TPGS2: variants seen among roughly 807,000 people sequenced by gnomAD.
TPGS2 encodes the protein polyglutamylase subunit 2.
In TPGS2, 26 loss-of-function variants were observed where a neutral mutation model predicts 31.1. That is an observed-to-expected ratio of 0.84 (90% CI 0.61 to 1.16). The LOEUF (loss-of-function observed/expected upper bound fraction) is 1.16, where lower values mean the gene tolerates loss of function less well. TPGS2 is among the 50% of genes most tolerant of loss of function. TPGS2 has a pLI of 0.00. For synonymous variants in TPGS2, 130 were observed against 136.6 expected, an observed-to-expected ratio of 0.95 and a Z score of 0.34; for missense variants, 351 against 363.8, an observed-to-expected ratio of 0.96 and a Z score of 0.29.
At chr18:36,815,604 C>A (rs910858415) in intron 2 of TPGS2, among the ~76,000 whole-genome samples, 10 of 150,084 alleles carry the variant, frequency 6.7e-5, no homozygotes, top group African/African-American at 2.4e-4. Flanking sequence ...GTAGGAAAAT[C>A]CTAGGAGACT....
chr18:36,828,481 C>G (rs547709179), intron 1 of TPGS2, among the ~76,000 whole-genome samples: 1 of 152,132 alleles, frequency 6.6e-6, no homozygotes, highest in African/African-American at 2.4e-5. Context: ...CCCAGCTCTG[C>G]CTCCGAACAC....
chr18:36,799,569 C>T (rs2044702993), intron 5 of TPGS2, among the ~76,000 whole-genome samples: 1 of 152,206 alleles, frequency 6.6e-6, no homozygotes, highest in African/African-American at 2.4e-5. Context: ...GTTCAAGATG[C>T]AGCTCCATGA....
At chr18:36,797,101 T>C (rs2061762846) in intron 6 of TPGS2, 51 bp from the exon 7 acceptor site, 3 of 1,590,446 alleles carry the variant, frequency 1.9e-6, no homozygotes, top group Admixed American at 1.9e-5. Flanking sequence ...AAAAATGCCA[T>C]TCTGTGTGCT....
At position 36,828,982 on chromosome 18, in the gene TPGS2, G is replaced by T; in HGVS notation, c.-215C>A. The T allele has an allele frequency of 1.9e-6, 2 of 1,074,158 alleles. No individual in the cohort carries two copies. Among genetic ancestry groups the T allele is most frequent in the East Asian group, 3.0e-5 (1 of 33,792 alleles). 66.5% of individuals were successfully genotyped at this position (1,074,158 alleles called of 1,614,324 possible). ...GCCCGGTGCCCCACACCGCACCTCCGGGACGTAGCTTCCCCTTCGCCCCCA... is the reference window on the plus strand; with the variant it reads ...GCCCGGTGCCCCACACCGCACCTCCTGGACGTAGCTTCCCCTTCGCCCCCA... On this transcript the variant is annotated 5_prime_UTR_variant, in exon 1 of 7. Coordinates refer to ENST00000334295, the MANE Select transcript of TPGS2 (RefSeq NM_015476.4).
At chr18:36,792,385 TTCTA>T (rs2044344563), downstream of TPGS2, among the ~76,000 whole-genome samples, 1 of 152,254 alleles carries the variant, frequency 6.6e-6, no homozygotes, top group Admixed American at 6.5e-5. Context: ...CATTATGCTC[TTCTA>T]TCTTTGTAAA....
chr18:36,791,656 A>C (rs1392577403), downstream of TPGS2, among the ~76,000 whole-genome samples: 1 of 152,222 alleles, frequency 6.6e-6, no homozygotes. Flanking sequence ...GGCCACAATT[A>C]ACTCCATAAT....
chr18:36,782,532 T>C (rs562842010), downstream of TPGS2, among the ~76,000 whole-genome samples: 35 of 152,342 alleles, frequency 2.3e-4, 1 homozygote, highest in African/African-American at 7.7e-4. Flanking sequence ...TTCCCCCCGA[T>C]TCTAATGTGA....
chr18:36,814,580 A>G (rs1162244647), intron 2 of TPGS2, among the ~76,000 whole-genome samples: 1 of 152,192 alleles, frequency 6.6e-6, no homozygotes, highest in East Asian at 1.9e-4. Flanking sequence ...CTTATTTTAT[A>G]CATGATGAAC....
At chr18:36,803,320 T>G (rs558977937) in intron 4 of TPGS2, among the ~76,000 whole-genome samples, 4 of 152,220 alleles carry the variant, frequency 2.6e-5, no homozygotes, top group African/African-American at 9.6e-5. Context: ...TGCTGATCTG[T>G]TACCTGTTAT....
intron 1 of TPGS2, among the ~76,000 whole-genome samples, chr18:36,825,349 T>G (rs1437197774): frequency 7.0e-6 from 1 of 142,566 alleles, no homozygotes; most frequent in African/African-American, 2.6e-5. Context: ...GGAGAATGGC[T>G]AGAACCCGGG....
intron 2 of TPGS2, among the ~76,000 whole-genome samples, chr18:36,816,074 G>A (rs1600820057): frequency 6.6e-6 from 1 of 152,110 alleles, no homozygotes; most frequent in South Asian, 2.1e-4. Context: ...CCAAATCTAC[G>A]TATCTGATTA....
Position 36,828,844 on chromosome 18 carries a change from TGGCATGCCGGGAACGGTAGTTCTC to T in TPGS2, c.-101_-78del. 6.5e-7 allele frequency: 1 copy of T among 1,542,330 alleles called. No individual in the cohort carries two copies. The highest frequency in any genetic ancestry group is 8.9e-7 in the Non-Finnish European group (1 of 1,128,132). The stretch of plus-strand genomic sequence containing the variant: ...CGCCTCAGCGCCGAGGCCAATTTCA[TGGCATGCCGGGAACGGTAGTTCTC>T]GGCGCCTGAAAGCGCGGCGCAGTGA... On this transcript the variant is annotated 5_prime_UTR_variant, in exon 1 of 7. It removes an upstream start codon present in the reference 5' UTR. Coordinates refer to ENST00000334295, the MANE Select transcript of TPGS2 (RefSeq NM_015476.4).
Position 36,818,959 on chromosome 18 carries a change from C to T in TPGS2, c.100G>A (p.Val34Met). The change falls in exon 2 of 7, where the codon GTG becomes ATG. Residue 34 changes from valine (V) to methionine (M), a missense_variant. Val to Met is a conservative substitution (Grantham distance 21). Coordinates refer to ENST00000334295, the MANE Select transcript of TPGS2 (RefSeq NM_015476.4). ...TTTTCTATGATGGTCACCTCAGTCA[C>T]ACCTGGGGAAGATTCTGGAAGAGAA... ...ITRILESSPGVTEVTIIEKPP... is the reference protein window; with the variant it reads ...ITRILESSPGMTEVTIIEKPP... 1 of 1,613,368 alleles carries T rather than the reference C, an allele frequency of 6.2e-7. No individual in the cohort carries two copies.
chr18:36,804,584 TTA>T (rs2045016782), intron 4 of TPGS2, among the ~76,000 whole-genome samples: 1 of 152,220 alleles, frequency 6.6e-6, no homozygotes, highest in Non-Finnish European at 1.5e-5. Context: ...GGAGAAAGCC[TTA>T]CATCAGTTTT....
intron 2 of TPGS2, among the ~76,000 whole-genome samples, chr18:36,808,569 C>T (rs992699072): frequency 6.6e-6 from 1 of 151,698 alleles, no homozygotes; most frequent in Non-Finnish European, 1.5e-5. Flanking sequence ...ACCTGGGAGG[C>T]GGAGCTTGCA....
At chr18:36,784,838 T>C (rs991102399) in intron 6 of TPGS2, among the ~76,000 whole-genome samples, 2 of 152,204 alleles carry the variant, frequency 1.3e-5, no homozygotes, top group African/African-American at 4.8e-5. Context: ...TTTAGAAACC[T>C]TAAGACAGCT....
intron 1 of TPGS2, among the ~76,000 whole-genome samples, chr18:36,826,668 G>A (rs1387308360): frequency 2.0e-5 from 3 of 152,138 alleles, no homozygotes; most frequent in South Asian, 2.1e-4. Context: ...TCTGCCAATC[G>A]GGCTGCCAAA....
At chr18:36,786,624 C>A in intron 6 of TPGS2, 1 of 389,992 alleles carries the variant, frequency 2.6e-6, no homozygotes, top group Non-Finnish European at 4.4e-6. Flanking sequence ...AAAGTTGTTC[C>A]GTCAGTCTTA....
At chr18:36,798,997 GT>G (rs1302492852) in intron 5 of TPGS2, among the ~76,000 whole-genome samples, 1 of 152,034 alleles carries the variant, frequency 6.6e-6, no homozygotes, top group Non-Finnish European at 1.5e-5. Context: ...AATGGCTTAG[GT>G]TTTTTTGAAG....
Sources: allele counts gnomAD v4.1 joint callset (sites outside exome capture counted in the v4.1 genomes callset), GRCh38; gene constraint gnomAD v4.1.1; transcripts MANE v1.5; gene names NCBI Gene and HGNC (gene_info 2026-07-23, HGNC 2026-07-21).